Variants in ILRUN observed in about 807,000 individuals in gnomAD.
ILRUN encodes inflammation and lipid regulator with UBA-like and NBR1-like domains, also known as protein ILRUN.
In ILRUN, 3 loss-of-function variants were observed where a neutral mutation model predicts 33.8. The ratio of observed to expected loss-of-function variants is 0.09; its 90% CI spans 0.04 to 0.23. The LOEUF (loss-of-function observed/expected upper bound fraction) is 0.23. Among genes scored for constraint, ILRUN ranks in the 10% least tolerant of loss-of-function variants. ILRUN has a pLI of 1.00. For missense variants in ILRUN, 210 were observed against 375.1 expected (o/e 0.56, Z 3.64); for synonymous variants, 124 against 138.9 (o/e 0.89, Z 0.75).
chr6:34,628,195 AT>A (rs1253906783), intron 3 of ILRUN, among the ~76,000 whole-genome samples: 4 of 151,614 alleles, frequency 2.6e-5, no homozygotes, highest in African/African-American at 9.7e-5. Context: ...TAATTTTTGT[AT>A]TTTTAGTAGA....
intron 1 of ILRUN, among the ~76,000 whole-genome samples, chr6:34,675,003 G>A (rs901024755): frequency 2.0e-5 from 3 of 152,164 alleles, no homozygotes; most frequent in Non-Finnish European, 2.9e-5. Context: ...AAAACAGGCC[G>A]AGCGCAGTGG....
At chr6:34,642,220 G>A (rs186301996) in intron 3 of ILRUN, among the ~76,000 whole-genome samples, 2 of 152,262 alleles carry the variant, frequency 1.3e-5, no homozygotes, top group Admixed American at 6.5e-5. Context: ...CCATAGCAGC[G>A]GACCATCCAC....
At chr6:34,673,665 C>A (rs1365403774) in intron 1 of ILRUN, among the ~76,000 whole-genome samples, 1 of 152,124 alleles carries the variant, frequency 6.6e-6, no homozygotes, top group African/African-American at 2.4e-5. Context: ...TCAAAACTAG[C>A]CTGGGCAACA....
At position 34,606,802 on chromosome 6, in the gene ILRUN, T is replaced by G; in HGVS notation, c.614A>C (p.Lys205Thr). The change falls in exon 4 of 5, where the codon AAG becomes ACG. Residue 205 changes from lysine (K) to threonine (T), a missense_variant. Physicochemically the swap from Lys to Thr is moderately conservative, Grantham distance 78. This residue lies in a region of ILRUN where 60 missense variants were observed against 138.1 expected (regional missense o/e 0.43). Transcript: ENST00000374023. ...ETEFNTQPHR[K>T]VEGNFNPFAS... ...AAAAGGGTTGAAGTTTCCTTCTACC[T>G]TACGATGCGGCTGTGTGTTGAACTC... 2.5e-6 allele frequency: 4 copies of G among 1,614,194 alleles called. No homozygotes were observed. The highest frequency in any genetic ancestry group is 3.4e-6 in the Non-Finnish European group (4 of 1,180,028).
At chr6:34,596,274 T>C (rs1328517103) in intron 4 of ILRUN, among the ~76,000 whole-genome samples, 1 of 152,164 alleles carries the variant, frequency 6.6e-6, no homozygotes, top group Admixed American at 6.5e-5. Context: ...TGTAAGATGA[T>C]TTAACATTGG....
At chr6:34,645,909 C>G (rs1374240614) in intron 3 of ILRUN, among the ~76,000 whole-genome samples, 2 of 152,096 alleles carry the variant, frequency 1.3e-5, no homozygotes, top group East Asian at 3.9e-4. Flanking sequence ...AGAGAAAGAA[C>G]AGAGAAGAGG....
intron 1 of ILRUN, among the ~76,000 whole-genome samples, chr6:34,690,517 T>C (rs1763624307): frequency 6.6e-6 from 1 of 151,910 alleles, no homozygotes; most frequent in African/African-American, 2.4e-5. Context: ...GGGTAAATTT[T>C]GTTATATATA....
intron 1 of ILRUN, among the ~76,000 whole-genome samples, chr6:34,691,795 CAA>C (rs34756076): frequency 7.9e-6 from 1 of 126,844 alleles, no homozygotes; most frequent in Admixed American, 7.9e-5. Flanking sequence ...AACTCTGTCT[CAA>C]AAAAAAAAAG....
intron 3 of ILRUN, among the ~76,000 whole-genome samples, chr6:34,641,819 G>A (rs2127356600): frequency 6.6e-6 from 1 of 151,912 alleles, no homozygotes; most frequent in South Asian, 2.1e-4. Context: ...AGTATACAAA[G>A]CATCTTCAAA....
chr6:34,604,004 C>T (rs777108585), intron 4 of ILRUN, among the ~76,000 whole-genome samples: 10 of 152,172 alleles, frequency 6.6e-5, no homozygotes, highest in Non-Finnish European at 1.3e-4. Flanking sequence ...TTCTAAGATT[C>T]TGCTTAGATT....
At chr6:34,626,895 C>T (rs946503732) in intron 3 of ILRUN, among the ~76,000 whole-genome samples, 5 of 151,956 alleles carry the variant, frequency 3.3e-5, no homozygotes, top group Admixed American at 3.3e-4. Flanking sequence ...ATCCCAGCTA[C>T]TCGGGAGGCT....
intron 1 of ILRUN, among the ~76,000 whole-genome samples, chr6:34,689,304 G>T (rs1581561628): frequency 1.3e-5 from 2 of 151,870 alleles, no homozygotes; most frequent in South Asian, 4.1e-4. Flanking sequence ...CCTGTAAACA[G>T]CCATTGCACT....
At chr6:34,604,397 C>G (rs763613846) in intron 4 of ILRUN, among the ~76,000 whole-genome samples, 9 of 152,194 alleles carry the variant, frequency 5.9e-5, no homozygotes, top group Non-Finnish European at 1.2e-4. Context: ...GCTCTCAATT[C>G]AGGAAGACAA....
At chr6:34,611,010 A>G (rs1761736070) in intron 3 of ILRUN, among the ~76,000 whole-genome samples, 1 of 151,714 alleles carries the variant, frequency 6.6e-6, no homozygotes, top group Admixed American at 6.6e-5. Flanking sequence ...CAGGAGTTTG[A>G]GACCATTCTG....
chr6:34,657,206 TTCAG>T (rs1490281756), intron 1 of ILRUN, among the ~76,000 whole-genome samples: 2 of 152,126 alleles, frequency 1.3e-5, no homozygotes, highest in Non-Finnish European at 2.9e-5. Flanking sequence ...GCAGCAGGTC[TTCAG>T]TAAGTAGCCT....
intron 1 of ILRUN, among the ~76,000 whole-genome samples, chr6:34,677,247 C>T (rs1381440980): frequency 6.6e-6 from 1 of 151,818 alleles, no homozygotes; most frequent in East Asian, 1.9e-4. Flanking sequence ...GCGGAGGCTG[C>T]AATGAGCTGA....
In ILRUN at chr6:34,676,778, A is replaced by C. The variant is rs199931645; in HGVS notation, c.158+19668T>G. Reference sequence around the variant, plus strand: ...CAATCAAGGAAACACAAAATAAAACAAGTAACACCTTTTATCTATCAGATA... The same window carrying C: ...CAATCAAGGAAACACAAAATAAAACCAGTAACACCTTTTATCTATCAGATA... On this transcript the variant is annotated intron_variant, in intron 1 of 4. Transcript: ENST00000374023. 1.6e-3 allele frequency among the ~76,000 whole-genome samples: 239 copies of C among 152,230 alleles called. 8 individuals carry two copies. In the East Asian group the frequency reaches 0.044, roughly 28 times the overall value.
At chr6:34,670,849 A>G (rs1763102888) in intron 1 of ILRUN, among the ~76,000 whole-genome samples, 1 of 150,784 alleles carries the variant, frequency 6.6e-6, no homozygotes, top group Non-Finnish European at 1.5e-5. Flanking sequence ...TGTCTCAAAA[A>G]AAAAAAAAAA....
At position 34,628,534 on chromosome 6, in the gene ILRUN, G is replaced by A. The variant is rs1459710589; in HGVS notation, c.511+18067C>T. 3.3e-5 allele frequency among the ~76,000 whole-genome samples: 5 copies of A among 151,710 alleles called. 1 individual carries two copies. The highest frequency in any genetic ancestry group is 4.2e-4 in the South Asian group (2 of 4,784). Reference sequence around the variant, plus strand: ...ATTTTAGTAGACACGGGGTTTCACCGTGTTAGCCAAGATGGTCTCCATCTC... The same window carrying A: ...ATTTTAGTAGACACGGGGTTTCACCATGTTAGCCAAGATGGTCTCCATCTC... On this transcript the variant is annotated intron_variant, in intron 3 of 4. Coordinates refer to ENST00000374023, the MANE Select transcript of ILRUN (RefSeq NM_024294.4).
Sources: allele counts gnomAD v4.1 joint callset (sites outside exome capture counted in the v4.1 genomes callset), GRCh38; gene constraint gnomAD v4.1.1; regional missense constraint gnomAD v4.1.1; transcripts MANE v1.5; gene names NCBI Gene and HGNC (gene_info 2026-07-23, HGNC 2026-07-21).